PARD3: variants seen among roughly 807,000 people sequenced by gnomAD.
PARD3 encodes the protein par-3 family cell polarity regulator.
PARD3 carries 75 observed loss-of-function variants against 155.4 expected under a neutral mutation model. The ratio of observed to expected loss-of-function variants is 0.48; its 90% CI spans 0.40 to 0.58. PARD3 has a LOEUF of 0.58. Among genes scored for constraint, PARD3 ranks in the 20% least tolerant of loss-of-function variants. The pLI, the probability that PARD3 is intolerant of heterozygous loss-of-function variation, is 0.00. For missense variants in PARD3, 1,642 were observed against 1,721.7 expected (o/e 0.95, Z 0.82); for synonymous variants, 576 against 610.5 (o/e 0.94, Z 0.83).
At chr10:34,558,658 C>T (rs1056972193) in intron 2 of PARD3, among the ~76,000 whole-genome samples, 1 of 152,146 alleles carries the variant, frequency 6.6e-6, no homozygotes, top group African/African-American at 2.4e-5. Context: ...CGGCCTGGTG[C>T]GGTGGCTCAT....
At chr10:34,774,686 C>T (rs184133578) in intron 1 of PARD3, among the ~76,000 whole-genome samples, 3 of 151,840 alleles carry the variant, frequency 2.0e-5, no homozygotes, top group African/African-American at 7.2e-5. Context: ...CCACAACCAA[C>T]TCAACACTAC....
At chr10:34,727,046 C>T (rs1018429753) in intron 1 of PARD3, among the ~76,000 whole-genome samples, 11 of 152,194 alleles carry the variant, frequency 7.2e-5, no homozygotes, top group African/African-American at 2.7e-4. Context: ...ACAAGATCTA[C>T]AGGCACCACT....
chr10:34,521,461 T>C (rs2082145301), intron 2 of PARD3, among the ~76,000 whole-genome samples: 1 of 152,108 alleles, frequency 6.6e-6, no homozygotes, highest in South Asian at 2.1e-4. Context: ...AAAAGTCTTT[T>C]AAATTTGTGA....
intron 22 of PARD3, among the ~76,000 whole-genome samples, chr10:34,178,654 GCTAAAC>G (rs1950137648): frequency 6.6e-6 from 1 of 152,164 alleles, no homozygotes. Flanking sequence ...TCACAGAGAT[GCTAAAC>G]CTTTAGGCAC....
intron 3 of PARD3, among the ~76,000 whole-genome samples, chr10:34,479,796 A>C (rs540998026): frequency 5.5e-4 from 82 of 150,186 alleles, no homozygotes; most frequent in Non-Finnish European, 8.9e-4. Context: ...CACCTCCTCC[A>C]ACCCATCAGA....
At chr10:34,133,465 C>T (rs559459039) in intron 22 of PARD3, among the ~76,000 whole-genome samples, 9 of 152,326 alleles carry the variant, frequency 5.9e-5, no homozygotes, top group South Asian at 2.1e-4. Context: ...CACAACAGAA[C>T]GTCAGACTTC....
intron 20 of PARD3, among the ~76,000 whole-genome samples, chr10:34,303,910 A>G (rs898853850): frequency 6.6e-6 from 1 of 152,190 alleles, no homozygotes; most frequent in Non-Finnish European, 1.5e-5. Context: ...TTGTTTTGAT[A>G]GGGAAAAATC....
At chr10:34,657,730 G>C (rs892809085) in intron 2 of PARD3, among the ~76,000 whole-genome samples, 1 of 151,972 alleles carries the variant, frequency 6.6e-6, no homozygotes, top group Non-Finnish European at 1.5e-5. Context: ...GTAGAGACGT[G>C]GTTTCGCCAT....
intron 2 of PARD3, among the ~76,000 whole-genome samples, chr10:34,544,580 A>G (rs2083897236): frequency 6.6e-6 from 1 of 152,150 alleles, no homozygotes; most frequent in Admixed American, 6.5e-5. Flanking sequence ...CACCAGCATC[A>G]CCTGGGAACT....
chr10:34,434,320 C>T (rs954783523), intron 5 of PARD3, among the ~76,000 whole-genome samples: 3 of 152,188 alleles, frequency 2.0e-5, no homozygotes, highest in African/African-American at 7.2e-5. Context: ...AGCCCTCACA[C>T]TTAGAGTATT....
intron 1 of PARD3, among the ~76,000 whole-genome samples, chr10:34,799,135 G>A (rs145569440): frequency 0.022 from 3,293 of 152,210 alleles, 118 homozygotes; most frequent in African/African-American, 0.076. Context: ...TCCACCTCCC[G>A]GGATCAAGCG....
At chr10:34,353,879 A>G (rs1312932886) in intron 14 of PARD3, among the ~76,000 whole-genome samples, 1 of 151,906 alleles carries the variant, frequency 6.6e-6, no homozygotes, top group Non-Finnish European at 1.5e-5. Flanking sequence ...TTTCTCTAAA[A>G]AAGTGAAATC....
intron 12 of PARD3, among the ~76,000 whole-genome samples, chr10:34,367,302 A>C (rs1174330598): frequency 6.6e-6 from 1 of 152,230 alleles, no homozygotes; most frequent in African/African-American, 2.4e-5. Context: ...TCATACTTGT[A>C]TTTCATTCAT....
chr10:34,156,881 A>T (rs1051538102), intron 22 of PARD3, among the ~76,000 whole-genome samples: 5 of 152,254 alleles, frequency 3.3e-5, no homozygotes, highest in African/African-American at 1.2e-4. Flanking sequence ...AAGTGAAGAA[A>T]AAAGGTAACC....
intron 2 of PARD3, among the ~76,000 whole-genome samples, chr10:34,545,916 G>C (rs1377494637): frequency 6.6e-6 from 1 of 152,108 alleles, no homozygotes; most frequent in African/African-American, 2.4e-5. Context: ...CATAGGCATA[G>C]AAAGGCAAAA....
At chr10:34,225,125 G>GAAT (rs778643321) in intron 22 of PARD3, among the ~76,000 whole-genome samples, 20 of 152,120 alleles carry the variant, frequency 1.3e-4, no homozygotes, top group Admixed American at 4.6e-4. Context: ...ACACCAAGAT[G>GAAT]AATAAGCTCA....
chr10:34,387,264 T>C, intron 7 of PARD3, among the ~76,000 whole-genome samples: 1 of 152,150 alleles, frequency 6.6e-6, no homozygotes, highest in East Asian at 1.9e-4. Flanking sequence ...CATAGAAAAT[T>C]TTTACAAAAA....
chr10:34,455,099 G>GCAGAAGTCAGAACTGGGGTTT (rs1047314052), intron 4 of PARD3, among the ~76,000 whole-genome samples: 1 of 152,142 alleles, frequency 6.6e-6, no homozygotes, highest in African/African-American at 2.4e-5. Flanking sequence ...TCCCTCTGTT[G>GCAGAAGTCAGAACTGGGGTTT]CAGAAGTCAG....
At chr10:34,551,825 T>G (rs1199917299) in intron 2 of PARD3, among the ~76,000 whole-genome samples, 1 of 152,064 alleles carries the variant, frequency 6.6e-6, no homozygotes, top group African/African-American at 2.4e-5. Flanking sequence ...ACACCACAGG[T>G]AGGAGGAACT....
Sources: gnomAD v4.1 joint callset for allele counts (sites outside exome capture counted in the v4.1 genomes callset) on GRCh38, gnomAD v4.1.1 for gene constraint, MANE v1.5 for transcripts, NCBI Gene and HGNC (gene_info 2026-07-23, HGNC 2026-07-21) for gene names.